Variants in AUTS2 observed in about 807,000 individuals in gnomAD.
AUTS2 encodes the protein activator of transcription and developmental regulator AUTS2.
Under a neutral mutation model 112.4 loss-of-function variants are expected in AUTS2, and 17 were observed. That is an observed-to-expected ratio of 0.15 (90% CI 0.10 to 0.23). The LOEUF is 0.23. Ranked by LOEUF, AUTS2 falls within the 10% of genes least tolerant of loss-of-function variation. The pLI is 1.00. For synonymous variants in AUTS2, 751 were observed against 702.7 expected, an observed-to-expected ratio of 1.07 and a Z score of -1.09; for missense variants, 1,510 against 1,701.6, an observed-to-expected ratio of 0.89 and a Z score of 1.98.
Position 70,515,382 on chromosome 7 carries a change from A to G in AUTS2, c.690+79601A>G, listed in dbSNP as rs17141706. On this transcript the variant is annotated intron_variant, in intron 5 of 18. Transcript: ENST00000342771. ...ACAGTGACTCCTAGGAGGATTTCCA[A>G]GGATTTCCGGGAACTATTTGAGAAT... Among the ~76,000 whole-genome samples the G allele has an allele frequency of 3.1e-3, 458 of 147,748 alleles. 18 individuals carry two copies. In the East Asian group the frequency reaches 0.076, roughly 25 times the overall value.
intron 2 of AUTS2, among the ~76,000 whole-genome samples, chr7:69,997,461 G>A (rs1327040817): frequency 6.6e-6 from 1 of 152,158 alleles, no homozygotes; most frequent in Admixed American, 6.5e-5. Flanking sequence ...TGGTGTGTTA[G>A]TCCATTTGTG....
chr7:70,179,373 G>C (rs1286631567), intron 4 of AUTS2, among the ~76,000 whole-genome samples: 7 of 152,178 alleles, frequency 4.6e-5, no homozygotes, highest in African/African-American at 1.7e-4. Context: ...AAAAACAGCT[G>C]TGATTATCCG....
intron 4 of AUTS2, among the ~76,000 whole-genome samples, chr7:70,276,868 A>G (rs972014975): frequency 3.9e-5 from 6 of 152,186 alleles, no homozygotes; most frequent in Admixed American, 3.9e-4. Flanking sequence ...TTTCAAAGAA[A>G]AGAGTTTATC....
chr7:70,604,509 T>G (rs1383779010), intron 5 of AUTS2, among the ~76,000 whole-genome samples: 1 of 152,192 alleles, frequency 6.6e-6, no homozygotes, highest in Non-Finnish European at 1.5e-5. Context: ...AAAATGGAAG[T>G]TTGAAAGGAA....
chr7:70,301,457 G>A (rs896191709), intron 4 of AUTS2, among the ~76,000 whole-genome samples: 1 of 151,934 alleles, frequency 6.6e-6, no homozygotes, highest in Admixed American at 6.6e-5. Flanking sequence ...GGAGTTTTTT[G>A]GCTTAAAATA....
At chr7:69,823,334 G>A (rs1389724125) in intron 1 of AUTS2, among the ~76,000 whole-genome samples, 3 of 152,218 alleles carry the variant, frequency 2.0e-5, no homozygotes, top group Non-Finnish European at 4.4e-5. Context: ...ATGGCATAAG[G>A]TTGCATGCCT....
chr7:70,027,193 C>A (rs1289990481), intron 2 of AUTS2, among the ~76,000 whole-genome samples: 1 of 152,024 alleles, frequency 6.6e-6, no homozygotes, highest in East Asian at 1.9e-4. Flanking sequence ...GGATATAACC[C>A]CATGATAAGT....
intron 1 of AUTS2, among the ~76,000 whole-genome samples, chr7:69,643,574 G>A (rs1794889930): frequency 6.6e-6 from 1 of 152,070 alleles, no homozygotes; most frequent in Admixed American, 6.5e-5. Flanking sequence ...GTTTTATGGA[G>A]TCCCCAGATA....
intron 4 of AUTS2, among the ~76,000 whole-genome samples, chr7:70,288,359 G>A (rs149104164): frequency 0.038 from 5,761 of 152,168 alleles, 163 homozygotes; most frequent in Non-Finnish European, 0.063. Flanking sequence ...CCCAGATCGT[G>A]CCACTGCACT....
intron 4 of AUTS2, among the ~76,000 whole-genome samples, chr7:70,288,656 A>G (rs1192738015): frequency 6.6e-6 from 1 of 152,164 alleles, no homozygotes; most frequent in Non-Finnish European, 1.5e-5. Context: ...AGAAGCAAGA[A>G]GAAACTGATC....
At chr7:69,893,008 T>G (rs1794593817) in intron 1 of AUTS2, among the ~76,000 whole-genome samples, 1 of 152,228 alleles carries the variant, frequency 6.6e-6, no homozygotes, top group African/African-American at 2.4e-5. Context: ...ACAGAGCACC[T>G]GACTTGCTCC....
intron 1 of AUTS2, among the ~76,000 whole-genome samples, chr7:69,739,556 G>C (rs1184090691): frequency 6.6e-6 from 1 of 152,100 alleles, no homozygotes; most frequent in South Asian, 2.1e-4. Context: ...AAGCTCAAAA[G>C]AAAACAACAA....
rs182409852 is a variant in AUTS2, at chr7:70,669,969, T to A, written c.691-28600T>A. On this transcript the variant is annotated intron_variant, in intron 5 of 18. Coordinates refer to ENST00000342771, the MANE Select transcript of AUTS2 (RefSeq NM_015570.4). ...GGTAAAATGAATATGATTCACATAC[T>A]TGTAGAGTGGCCAAGGAGGGCCTTA... Among the ~76,000 whole-genome samples, 526 of 152,328 alleles carry A rather than the reference T, an allele frequency of 3.5e-3. 2 individuals are homozygous for A. The highest frequency in any genetic ancestry group is 5.5e-3 in the Non-Finnish European group (374 of 68,040).
At chr7:69,632,691 G>A (rs1000717092) in intron 1 of AUTS2, among the ~76,000 whole-genome samples, 2 of 150,530 alleles carry the variant, frequency 1.3e-5, no homozygotes, top group Non-Finnish European at 2.9e-5. Flanking sequence ...TATATAGGTA[G>A]TAGAGCCAGC....
At chr7:70,420,249 G>T (rs1287104722) in intron 4 of AUTS2, among the ~76,000 whole-genome samples, 2 of 152,218 alleles carry the variant, frequency 1.3e-5, no homozygotes, top group Non-Finnish European at 2.9e-5. Context: ...TGCCTGTTCA[G>T]TTTGGGTTTT....
chr7:69,964,280 T>A (rs1434629756), intron 2 of AUTS2, among the ~76,000 whole-genome samples: 1 of 152,162 alleles, frequency 6.6e-6, no homozygotes, highest in Non-Finnish European at 1.5e-5. Context: ...GGGCTTTACT[T>A]CTTTTATCAC....
intron 5 of AUTS2, among the ~76,000 whole-genome samples, chr7:70,547,329 A>T (rs997759112): frequency 5.3e-5 from 8 of 152,174 alleles, no homozygotes; most frequent in Non-Finnish European, 1.0e-4. Context: ...ATCTCGGCTC[A>T]CTGCAACCTC....
chr7:70,641,661 T>A (rs1226015419), intron 5 of AUTS2, among the ~76,000 whole-genome samples: 1 of 152,150 alleles, frequency 6.6e-6, no homozygotes, highest in East Asian at 1.9e-4. Context: ...TCATCCTGGA[T>A]CCATGGGAGG....
chr7:70,724,173 T>C (rs1786870477), intron 6 of AUTS2, among the ~76,000 whole-genome samples: 1 of 152,182 alleles, frequency 6.6e-6, no homozygotes, highest in Non-Finnish European at 1.5e-5. Context: ...ATTACAGGCG[T>C]GAGCCACCCC....
Sources: allele counts gnomAD v4.1 joint callset (sites outside exome capture counted in the v4.1 genomes callset), GRCh38; gene constraint gnomAD v4.1.1; transcripts MANE v1.5; gene names NCBI Gene and HGNC (gene_info 2026-07-23, HGNC 2026-07-21).